The following RSPH4A variants were observed in gnomAD, a reference collection of about 807,000 sequenced individuals.
RSPH4A encodes the protein radial spoke head component 4A.
Under a neutral mutation model 71.0 loss-of-function variants are expected in RSPH4A, and 47 were observed. The ratio of observed to expected loss-of-function variants is 0.66; its 90% CI spans 0.52 to 0.84. The LOEUF (loss-of-function observed/expected upper bound fraction) is 0.84. RSPH4A is among the 40% of genes least tolerant of loss of function. The pLI, the probability that RSPH4A is intolerant of heterozygous loss-of-function variation, is 0.00. For missense variants in RSPH4A, 793 were observed against 855.2 expected (o/e 0.93, Z 0.91); for synonymous variants, 282 against 302.3 (o/e 0.93, Z 0.70).
At position 116,616,845 on chromosome 6, in the gene RSPH4A, C is replaced by T. The variant is rs1381122771; in HGVS notation, c.222C>T (p.Pro74=). The T allele has an allele frequency of 1.2e-6, 2 of 1,613,968 alleles. No individual in the cohort carries two copies. The highest frequency in any genetic ancestry group is 1.3e-5 in the African/African-American group (1 of 74,924). ...GAGCCAAGACGCCTCTGGGTGGCCC[C>T]GCGGGACCAGAAACATCATCACCTG... ...QSRAKTPLGG[P]AGPETSSPAP... The change falls in exon 1 of 6, where the codon CCC becomes CCT. Residue 74 remains proline, a synonymous_variant. Transcript: ENST00000229554.
chr6:116,618,326 C>T (rs1430261727), intron 1 of RSPH4A, among the ~76,000 whole-genome samples: 2 of 152,148 alleles, frequency 1.3e-5, no homozygotes, highest in African/African-American at 2.4e-5. Context: ...TACAGAGAGA[C>T]AGACTTATAT....
rs1775511303 is a variant in RSPH4A, at chr6:116,616,811, C to T, written c.188C>T (p.Pro63Leu). 1 of 1,613,994 alleles carries T rather than the reference C, an allele frequency of 6.2e-7. No individual in the cohort carries two copies. The highest frequency in any genetic ancestry group is 8.5e-7 in the Non-Finnish European group (1 of 1,180,008). Residue 63 changes from proline (P) to leucine (L), a missense_variant, in exon 1 of 6, where the codon CCG becomes CTG. Physicochemically the swap from Pro to Leu is moderately conservative, Grantham distance 98. Transcript: ENST00000229554. ...RQSRSSRPWSPQSRAKTPLGG... is the reference protein window; with the variant it reads ...RQSRSSRPWSLQSRAKTPLGG... ...TCCCGAAGCAGCCGTCCTTGGAGCC[C>T]GCAGTCTAGAGCCAAGACGCCTCTG...
In RSPH4A at chr6:116,632,234, G is replaced by C. The variant is rs1775816754; in HGVS notation, c.1944G>C (p.Trp648Cys). 6.2e-7 allele frequency: 1 copy of C among 1,610,502 alleles called. No individual in the cohort carries two copies. Among genetic ancestry groups the C allele is most frequent in the South Asian group, 1.1e-5 (1 of 90,912 alleles). The stretch of plus-strand genomic sequence containing the variant: ...AGTTTGAAAATTTCTACATAGGCTG[G>C]GGTCATAAGTATAGTCCAGACAATT... ...GKKFENFYIG[W>C]GHKYSPDNYT... The change falls in exon 6 of 6, where the codon TGG (tryptophan) becomes TGC (cysteine). Residue 648 changes from tryptophan (W) to cysteine (C), a missense_variant. Trp to Cys is a radical substitution (Grantham distance 215). Coordinates refer to ENST00000229554, the MANE Select transcript of RSPH4A (RefSeq NM_001010892.3).
In RSPH4A at chr6:116,630,435, A is replaced by C. The variant is rs1350567163; in HGVS notation, c.1799A>C (p.Glu600Ala). Residue 600 changes from glutamate to alanine, a missense_variant and splice_region_variant, in exon 5 of 6, where the codon GAG (glutamate) becomes GCG (alanine). Glu to Ala is a moderately radical substitution (Grantham distance 107, BLOSUM62 -1). Coordinates refer to ENST00000229554, the MANE Select transcript of RSPH4A (RefSeq NM_001010892.3). ...TTTTGCATTTCTCTTTGGGTTCCAG[A>C]GATTCAGAATATACCCCCCTGGACA... ...PLLTPISEDL[E>A]IQNIPPWTTR... The C allele has an allele frequency of 5.2e-6, 8 of 1,525,768 alleles. 1 individual carries two copies. The East Asian group carries it at 1.6e-4, about 30-fold the overall frequency. The allele number at this position is 1,525,768 out of a possible 1,614,324, so 94.5% of individuals were successfully genotyped here.
At chr6:116,619,798 A>C (rs1775571303) in intron 1 of RSPH4A, among the ~76,000 whole-genome samples, 1 of 152,110 alleles carries the variant, frequency 6.6e-6, no homozygotes, top group Non-Finnish European at 1.5e-5. Context: ...GGCTCACTAC[A>C]AGCTCTGCCT....
In RSPH4A at chr6:116,629,603, G is replaced by C; in HGVS notation, c.1699G>C (p.Glu567Gln). 6.2e-7 allele frequency: 1 copy of C among 1,612,630 alleles called. No individual in the cohort carries two copies. Among genetic ancestry groups the C allele is most frequent in the South Asian group, 1.1e-5 (1 of 91,048 alleles). ...CNWFNSIQKN[E>Q]EEEEEEDEEK... is the part of the protein sequence containing the mutation. ...TTGGTTCAACTCCATACAAAAAAAT[G>C]AGGAAGAAGAAGAGGAAGAAGATGA... Residue 567 changes from glutamate (E) to glutamine (Q), a missense_variant, in exon 4 of 6, where the codon GAG becomes CAG. Glu to Gln is a conservative substitution (Grantham distance 29). Coordinates refer to ENST00000229554, the MANE Select transcript of RSPH4A (RefSeq NM_001010892.3).
chr6:116,626,946 A>G (rs1007846705), intron 2 of RSPH4A, among the ~76,000 whole-genome samples: 6 of 152,236 alleles, frequency 3.9e-5, no homozygotes, highest in African/African-American at 1.4e-4. Context: ...ATGGAAAACC[A>G]TATTTTGTTC....
At chr6:116,620,528 G>T (rs927270048) in intron 1 of RSPH4A, among the ~76,000 whole-genome samples, 6 of 152,152 alleles carry the variant, frequency 3.9e-5, no homozygotes, top group Middle Eastern at 6.8e-3. Flanking sequence ...GAACTAACAG[G>T]CTATAGGAAA....
At chr6:116,630,259 C>G (rs1047160283) in intron 4 of RSPH4A, among the ~76,000 whole-genome samples, 176 bp from the exon 5 acceptor site, 9 of 151,958 alleles carry the variant, frequency 5.9e-5, no homozygotes, top group African/African-American at 2.2e-4. Flanking sequence ...CCAAAACATT[C>G]ATGAAGTACC....
Position 116,623,054 on chromosome 6 carries a change from C to T in RSPH4A, c.921+52C>T, listed in dbSNP as rs78951456. The T allele has an allele frequency of 9.5e-3, 10,395 of 1,095,558 alleles. 390 individuals carry two copies. The African/African-American group carries it at 0.1, about 11-fold the overall frequency. 67.9% of individuals were successfully genotyped at this position (1,095,558 alleles called of 1,614,324 possible). A position where few individuals can be genotyped will look rare whatever the true frequency, so the allele number is the denominator to read the frequency against. ...ATAAACCTTAGGATTTTATTTGGGA[C>T]GAATGGCTGTGGCTTTAAATTCATA... On this transcript the variant is annotated intron_variant, in intron 2 of 5. Coordinates refer to ENST00000229554, the MANE Select transcript of RSPH4A (RefSeq NM_001010892.3).
chr6:116,617,269 G>C lies in RSPH4A; in HGVS notation c.646G>C (p.Ala216Pro), dbSNP rs1390787423. The change falls in exon 1 of 6, where the codon GCT becomes CCT. Residue 216 changes from alanine (A) to proline (P), a missense_variant. Transcript: ENST00000229554. Reference protein sequence around the residue: ...MLEITIQNAKAYLLKTSSNSG... With the variant: ...MLEITIQNAKPYLLKTSSNSG... Reference sequence around the variant, plus strand: ...TGAGATCACCATTCAGAATGCTAAGGCTTACCTGCTGAAGACTAGCAGCAA... The same window carrying C: ...TGAGATCACCATTCAGAATGCTAAGCCTTACCTGCTGAAGACTAGCAGCAA... The C allele has an allele frequency of 8.7e-6, 14 of 1,613,280 alleles. No homozygotes were observed. Among genetic ancestry groups the C allele is most frequent in the Non-Finnish European group, 1.1e-5 (13 of 1,179,738 alleles).
chr6:116,626,469 G>T (rs1460547956), intron 2 of RSPH4A, among the ~76,000 whole-genome samples: 1 of 152,022 alleles, frequency 6.6e-6, no homozygotes, highest in Non-Finnish European at 1.5e-5. Context: ...AGCCTCCCGA[G>T]TAGCTGGGAC....
In RSPH4A at chr6:116,625,791, C is replaced by T. The variant is rs1261877779; in HGVS notation, c.922-1838C>T. Among the ~76,000 whole-genome samples the T allele has an allele frequency of 1.4e-4, 21 of 151,736 alleles. No homozygotes were observed. In the South Asian group the frequency reaches 3.3e-3, roughly 24 times the overall value. On this transcript the variant is annotated intron_variant, in intron 2 of 5. Transcript: ENST00000229554. Reference sequence around the variant, plus strand: ...GTGTGAGAAACTGAGATGTCACTGGCGAAGAAAGAGTACATAGAAAAAAGA... The same window carrying T: ...GTGTGAGAAACTGAGATGTCACTGGTGAAGAAAGAGTACATAGAAAAAAGA...
Position 116,617,090 on chromosome 6 carries a change from C to A in RSPH4A, c.467C>A (p.Pro156His), listed in dbSNP as rs1363246253. 1 of 1,614,176 alleles carries A rather than the reference C, an allele frequency of 6.2e-7. No homozygotes were observed. Among genetic ancestry groups the A allele is most frequent in the African/African-American group, 1.3e-5 (1 of 75,036 alleles). The change falls in exon 1 of 6, where the codon CCC becomes CAC. Residue 156 changes from proline to histidine, a missense_variant. Transcript: ENST00000229554. ...EGNTFQQSQQ[P>H]KPHLCGRRDV... ...AACACCTTTCAACAGTCTCAGCAAC[C>A]CAAACCCCACCTGTGTGGACGAAGG...
At position 116,629,550 on chromosome 6, in the gene RSPH4A, G is replaced by C; in HGVS notation, c.1663-17G>C. 5 of 1,611,812 alleles carry C rather than the reference G, an allele frequency of 3.1e-6. No homozygotes were observed. Among genetic ancestry groups the C allele is most frequent in the Non-Finnish European group, 2.5e-6 (3 of 1,178,282 alleles). Reference sequence around the variant, plus strand: ...GGTCCCCATTAGACTACTAAATCTTGCAACATTCATTCCCAGGGTCGCTGT... The same window carrying C: ...GGTCCCCATTAGACTACTAAATCTTCCAACATTCATTCCCAGGGTCGCTGT... On this transcript the variant is annotated splice_polypyrimidine_tract_variant and intron_variant, in intron 3 of 5. Coordinates refer to ENST00000229554, the MANE Select transcript of RSPH4A (RefSeq NM_001010892.3).
chr6:116,620,514 C>T (rs984357163), intron 1 of RSPH4A, among the ~76,000 whole-genome samples: 2 of 152,136 alleles, frequency 1.3e-5, no homozygotes, highest in African/African-American at 4.8e-5. Context: ...GGTTTTTCAT[C>T]ATTGAACTAA....
rs986516814 is a variant in RSPH4A, at chr6:116,632,342, G to C, written c.2052G>C (p.Glu684Asp). ...EITEMDDPSV[E>D]EEQAFRAAQE... ...CAGAAATGGATGATCCTAGTGTGGA[G>C]GAGGAGCAGGCTTTCAGGGCTGCAC... Residue 684 changes from glutamate (E) to aspartate (D), a missense_variant, in exon 6 of 6, where the codon GAG (glutamate) becomes GAC (aspartate). Coordinates refer to ENST00000229554, the MANE Select transcript of RSPH4A (RefSeq NM_001010892.3). The C allele has an allele frequency of 6.2e-7, 1 of 1,614,050 alleles. No homozygotes were observed.
rs370877250 is a variant in RSPH4A at position 116,616,550 on chromosome 6, A to G, written c.-74A>G. ...TCGCTTAAGAGACCGCGGCAAAGTA[A>G]CTTAACTGAGTTGCCTTCTTCCATA... is the stretch of plus-strand genomic sequence containing the variant. On this transcript the variant is annotated 5_prime_UTR_variant, in exon 1 of 6. Transcript: ENST00000229554. 3.3e-5 allele frequency: 44 copies of G among 1,321,742 alleles called. No individual in the cohort carries two copies. The highest frequency in any genetic ancestry group is 4.5e-5 in the Non-Finnish European group (42 of 938,542). The allele number at this position is 1,321,742 out of a possible 1,614,324, so 81.9% of individuals were successfully genotyped here. A position where few individuals can be genotyped will look rare whatever the true frequency, so the allele number is the denominator to read the frequency against.
At chr6:116,630,883 G>T (rs1292234106) in intron 5 of RSPH4A, among the ~76,000 whole-genome samples, 10 of 121,830 alleles carry the variant, frequency 8.2e-5, no homozygotes, top group African/African-American at 3.0e-4. Flanking sequence ...TAGAGACAAG[G>T]TTTCACCATG....
Sources: allele counts gnomAD v4.1 joint callset (sites outside exome capture counted in the v4.1 genomes callset), GRCh38; gene constraint gnomAD v4.1.1; transcripts MANE v1.5; gene names NCBI Gene and HGNC (gene_info 2026-07-23, HGNC 2026-07-21).